The following PRSS1 variants were observed in gnomAD, a reference collection of about 807,000 sequenced individuals.
The protein encoded by PRSS1 is TCR V beta 4.1.
Under a neutral mutation model 24.2 loss-of-function variants are expected in PRSS1, and 22 were observed. The ratio of observed to expected loss-of-function variants is 0.91; its 90% CI spans 0.65 to 1.30. The LOEUF (loss-of-function observed/expected upper bound fraction) is 1.30. PRSS1 is among the 50% of genes most tolerant of loss of function. PRSS1 has a pLI of 0.00. For synonymous variants in PRSS1, 126 were observed against 116.1 expected, an observed-to-expected ratio of 1.08 and a Z score of -0.55; for missense variants, 366 against 304.2, an observed-to-expected ratio of 1.20 and a Z score of -1.51.
In PRSS1 at chr7:142,752,434, A is replaced by G. The variant is rs753073310; in HGVS notation, c.458A>G (p.Asp153Gly). Residue 153 changes from aspartate (D) to glycine (G), a missense_variant, in exon 4 of 5, where the codon GAC becomes GGC. Transcript: ENST00000311737. Reference sequence around the variant, plus strand: ...GATCTCTTCCTGATCCTCACAGCCGACTACCCAGACGAGCTGCAGTGCCTG... The same window carrying G: ...GATCTCTTCCTGATCCTCACAGCCGGCTACCCAGACGAGCTGCAGTGCCTG... The part of the protein sequence containing the change: ...GWGNTASSGA[D>G]YPDELQCLDA... 1 of 1,614,040 alleles carries G rather than the reference A, an allele frequency of 6.2e-7. No homozygotes were observed. The highest frequency in any genetic ancestry group is 8.5e-7 in the Non-Finnish European group (1 of 1,179,920).
chr7:142,752,917 T>A lies in PRSS1; in HGVS notation c.641T>A (p.Val214Asp). The change falls in exon 5 of 5, where the codon GTC becomes GAC. Residue 214 changes from valine to aspartate, a missense_variant. Coordinates refer to ENST00000311737, the MANE Select transcript of PRSS1 (RefSeq NM_002769.5). ...TGCAATGGACAGCTCCAAGGAGTTG[T>A]CTCCTGGGGTGATGGCTGTGCCCAG... ...VVCNGQLQGV[V>D]SWGDGCAQKN... The A allele has an allele frequency of 6.2e-7, 1 of 1,614,058 alleles. No homozygotes were observed. Among genetic ancestry groups the A allele is most frequent in the Non-Finnish European group, 8.5e-7 (1 of 1,179,916 alleles).
rs781123735 is a variant in PRSS1, at chr7:142,752,450, G to T, written c.474G>T (p.Leu158=). 6.2e-7 allele frequency: 1 copy of T among 1,614,148 alleles called. No homozygotes were observed. Among genetic ancestry groups the T allele is most frequent in the Non-Finnish European group, 8.5e-7 (1 of 1,179,976 alleles). The change falls in exon 4 of 5, where the codon CTG becomes CTT. Residue 158 remains leucine (L), a synonymous_variant. Transcript: ENST00000311737. ...TCACAGCCGACTACCCAGACGAGCT[G>T]CAGTGCCTGGATGCTCCTGTGCTGA... The part of the protein sequence containing the change: ...ASSGADYPDE[L]QCLDAPVLSQ...
intron 1 of PRSS1, among the ~76,000 whole-genome samples, chr7:142,750,232 A>T (rs1297603835): frequency 2.0e-5 from 3 of 152,156 alleles, no homozygotes; most frequent in Non-Finnish European, 4.4e-5. Flanking sequence ...GATGAATAAA[A>T]GAGAGAAGCA....
chr7:142,750,814 A>T (rs746423193), intron 2 of PRSS1, 100 bp downstream of exon 2: 1 of 1,574,068 alleles, frequency 6.4e-7, no homozygotes, highest in Non-Finnish European at 8.7e-7. Flanking sequence ...GATGGATGGG[A>T]GAGGTGGTGG....
intron 2 of PRSS1, 144 bp from the exon 3 acceptor site, chr7:142,751,630 C>T (rs1401805238): frequency 2.2e-5 from 29 of 1,316,518 alleles, no homozygotes; most frequent in Admixed American, 1.3e-4. Flanking sequence ...CCACATCCCT[C>T]TGCTGCCCAT....
chr7:142,750,203 C>T, intron 1 of PRSS1, among the ~76,000 whole-genome samples: 1 of 128,792 alleles, frequency 7.8e-6, no homozygotes, highest in Non-Finnish European at 1.7e-5. Context: ...GCCCAAATAG[C>T]CAGGGGAAGT....
At chr7:142,751,534 T>A in intron 2 of PRSS1, 1 of 667,632 alleles carries the variant, frequency 1.5e-6, no homozygotes, top group South Asian at 1.9e-5. Context: ...AGGAGCAGCC[T>A]CTGGTGGGAT....
chr7:142,752,490 G>C lies in PRSS1; in HGVS notation c.514G>C (p.Glu172Gln), dbSNP rs758254763. The C allele has an allele frequency of 5.8e-6, 9 of 1,542,954 alleles. No individual in the cohort carries two copies. Among genetic ancestry groups the C allele is most frequent in the Non-Finnish European group, 7.1e-6 (8 of 1,123,696 alleles). Residue 172 changes from glutamate to glutamine, a missense_variant, in exon 4 of 5, where the codon GAA (glutamate) becomes CAA (glutamine). By Grantham distance (29) the Glu-to-Gln change is conservative (BLOSUM62 2). Coordinates refer to ENST00000311737, the MANE Select transcript of PRSS1 (RefSeq NM_002769.5). ...DAPVLSQAKCEASYPGKITSN... is the reference protein window; with the variant it reads ...DAPVLSQAKCQASYPGKITSN... ...TCCTGTGCTGAGCCAGGCTAAGTGT[G>C]AAGCCTCCTACCCTGGAAAGATTAC...
chr7:142,752,746 G>T, intron 4 of PRSS1, 122 bp from the exon 5 acceptor site: 1 of 1,499,282 alleles, frequency 6.7e-7, no homozygotes. Context: ...CAGAGAATGG[G>T]CCACCATGAG....
rs763292560 is a variant in PRSS1, at chr7:142,752,438, C to T, written c.462C>T (p.Tyr154=). ...TCTTCCTGATCCTCACAGCCGACTA[C>T]CCAGACGAGCTGCAGTGCCTGGATG... ...WGNTASSGAD[Y]PDELQCLDAP... Residue 154 remains tyrosine (Y), a synonymous_variant, in exon 4 of 5, where the codon TAC becomes TAT. Coordinates refer to ENST00000311737, the MANE Select transcript of PRSS1 (RefSeq NM_002769.5). 2.1e-5 allele frequency: 34 copies of T among 1,613,994 alleles called. No homozygotes were observed. The highest frequency in any genetic ancestry group is 2.7e-5 in the Non-Finnish European group (32 of 1,179,972).
rs147765409 is a variant in PRSS1 at position 142,752,026 on chromosome 7, C to T, written c.453C>T (p.Gly151=). Residue 151 remains glycine (G), a splice_region_variant and synonymous_variant, in exon 3 of 5, where the codon GGC becomes GGT. Transcript: ENST00000311737. The part of the protein sequence containing the change: ...ISGWGNTASS[G]ADYPDELQCL... ...GCTGGGGCAACACTGCGAGCTCTGG[C>T]GGTGAGTGGGACCCTTAGTCCTTCT... 1.2e-4 allele frequency: 188 copies of T among 1,541,292 alleles called. No individual in the cohort carries two copies. Among genetic ancestry groups the T allele is most frequent in the East Asian group, 4.3e-4 (19 of 44,414 alleles).
At chr7:142,751,001 G>A (rs1412022978) in intron 2 of PRSS1, 5 of 708,262 alleles carry the variant, frequency 7.1e-6, no homozygotes, top group Non-Finnish European at 1.0e-5. Context: ...TCTTTTGCTG[G>A]TTAGCTACAC....
chr7:142,749,743 A>G (rs1285731216), intron 1 of PRSS1, among the ~76,000 whole-genome samples: 1 of 133,742 alleles, frequency 7.5e-6, no homozygotes, highest in African/African-American at 3.2e-5. Flanking sequence ...TCCATATCCG[A>G]GTTGTGGTTG....
chr7:142,750,385 A>G (rs377451392), intron 1 of PRSS1, among the ~76,000 whole-genome samples, 170 bp from the exon 2 acceptor site: 7 of 146,856 alleles, frequency 4.8e-5, no homozygotes, highest in African/African-American at 1.5e-4. Flanking sequence ...AGGCACAGAG[A>G]CTTGGGAGCC....
rs369627514 is a variant in PRSS1, at chr7:142,749,475, C to A, written c.-10C>A. ...AGTCCTCCACCACCAGTCAGGCACA[C>A]TCTACCACCATGAATCCACTCCTGA... On this transcript the variant is annotated 5_prime_UTR_variant, in exon 1 of 5. Transcript: ENST00000311737. The A allele has an allele frequency of 2.3e-5, 37 of 1,613,984 alleles. No individual in the cohort carries two copies. In the African/African-American group the frequency reaches 3.9e-4, roughly 17 times the overall value.
intron 3 of PRSS1, 57 bp downstream of exon 3, chr7:142,752,084 A>G: frequency 1.2e-6 from 2 of 1,611,196 alleles, no homozygotes; most frequent in South Asian, 2.2e-5. Context: ...TCCAGAACAA[A>G]CCATGCCCCT....
chr7:142,752,751 C>G, intron 4 of PRSS1, 117 bp from the exon 5 acceptor site: 1 of 1,477,274 alleles, frequency 6.8e-7, no homozygotes, highest in Non-Finnish European at 9.5e-7. Flanking sequence ...AATGGGCCAC[C>G]ATGAGAAGGA....
At chr7:142,752,840 C>T (rs1192693797) in intron 4 of PRSS1, 28 bp from the exon 5 acceptor site, 1 of 1,604,808 alleles carries the variant, frequency 6.2e-7, no homozygotes, top group Non-Finnish European at 8.5e-7. Context: ...TCCATCTCTC[C>T]ATACAACTTG....
rs762900262 is a variant in PRSS1 at position 142,752,605 on chromosome 7, T to A, written c.591+38T>A. Reference sequence around the variant, plus strand: ...ACCCTTCCCATGCTGAGGCTCCCACTGATACCTAGGCCCCACCAGGGAAAA... The same window carrying A: ...ACCCTTCCCATGCTGAGGCTCCCACAGATACCTAGGCCCCACCAGGGAAAA... On this transcript the variant is annotated intron_variant, in intron 4 of 4. Coordinates refer to ENST00000311737, the MANE Select transcript of PRSS1 (RefSeq NM_002769.5). 1.9e-6 allele frequency: 3 copies of A among 1,614,092 alleles called. No homozygotes were observed. In the Admixed American group the frequency reaches 5.0e-5, roughly 27 times the overall value.
Sources: gnomAD v4.1 joint callset for allele counts (sites outside exome capture counted in the v4.1 genomes callset) on GRCh38, gnomAD v4.1.1 for gene constraint, MANE v1.5 for transcripts, NCBI Gene and HGNC (gene_info 2026-07-23, HGNC 2026-07-21) for gene names.